The following SPATA16 variants were observed in gnomAD, a reference collection of about 807,000 sequenced individuals.
SPATA16 encodes spermatogenesis associated 16.
A neutral mutation model predicts 63.3 loss-of-function variants in SPATA16; 36 were observed. The observed-to-expected ratio is 0.57, with a 90% CI of 0.44 to 0.75. The LOEUF (loss-of-function observed/expected upper bound fraction) is 0.75. SPATA16 is among the 30% of genes least tolerant of loss of function. SPATA16 has a pLI of 0.00. For missense variants in SPATA16, 646 were observed against 679.3 expected (o/e 0.95, Z 0.54); for synonymous variants, 203 against 216.7 (o/e 0.94, Z 0.56).
chr3:173,035,587 A>G (rs1735698859), intron 3 of SPATA16, among the ~76,000 whole-genome samples: 1 of 152,078 alleles, frequency 6.6e-6, no homozygotes, highest in South Asian at 2.1e-4. Context: ...AGAAACTACT[A>G]ATGCTTCAGG....
chr3:172,914,486 A>G (rs764870970), intron 9 of SPATA16, among the ~76,000 whole-genome samples: 2 of 152,288 alleles, frequency 1.3e-5, no homozygotes, highest in African/African-American at 4.8e-5. Context: ...ACCTTAGATA[A>G]TCTTTCTTTG....
intron 4 of SPATA16, among the ~76,000 whole-genome samples, chr3:172,985,204 AC>A (rs761735847): frequency 3.6e-4 from 55 of 152,196 alleles, no homozygotes; most frequent in Admixed American, 2.2e-3. Context: ...TATTAATATG[AC>A]ATGGTCAATT....
At chr3:172,988,806 T>G (rs1277138817) in intron 4 of SPATA16, among the ~76,000 whole-genome samples, 1 of 152,034 alleles carries the variant, frequency 6.6e-6, no homozygotes, top group Non-Finnish European at 1.5e-5. Context: ...CCAGCTAATT[T>G]TCTGTATTTT....
chr3:173,073,998 G>A (rs907798620), intron 2 of SPATA16, among the ~76,000 whole-genome samples: 13 of 152,186 alleles, frequency 8.5e-5, no homozygotes, highest in Non-Finnish European at 5.9e-5. Flanking sequence ...AGATCATTCT[G>A]GAGCTTTAAG....
intron 10 of SPATA16, among the ~76,000 whole-genome samples, chr3:172,895,996 T>C (rs1732001311): frequency 6.6e-6 from 1 of 152,086 alleles, no homozygotes; most frequent in African/African-American, 2.4e-5. Context: ...TAATTTTTTT[T>C]TTTCAGTAGT....
At chr3:173,020,020 G>A (rs1018729405) in intron 3 of SPATA16, among the ~76,000 whole-genome samples, 3 of 151,548 alleles carry the variant, frequency 2.0e-5, no homozygotes, top group African/African-American at 4.8e-5. Flanking sequence ...TGGAGGCTGG[G>A]TGCGGTGGCT....
At chr3:172,965,050 A>G (rs1733882863) in intron 5 of SPATA16, among the ~76,000 whole-genome samples, 1 of 152,218 alleles carries the variant, frequency 6.6e-6, no homozygotes, top group South Asian at 2.1e-4. Flanking sequence ...TGAAAAACTC[A>G]TTTATTTATC....
At chr3:172,935,422 G>T (rs1732961419) in intron 6 of SPATA16, among the ~76,000 whole-genome samples, 1 of 152,080 alleles carries the variant, frequency 6.6e-6, no homozygotes, top group Admixed American at 6.5e-5. Flanking sequence ...TGTAAACAAT[G>T]GTTTGATCCA....
At chr3:172,940,256 A>T (rs1733114149) in intron 6 of SPATA16, among the ~76,000 whole-genome samples, 1 of 152,216 alleles carries the variant, frequency 6.6e-6, no homozygotes, top group Non-Finnish European at 1.5e-5. Context: ...TAGCTGGTTG[A>T]TCAGAAGTAT....
chr3:173,118,790 C>T (rs906445967), intron 1 of SPATA16, among the ~76,000 whole-genome samples: 2 of 152,148 alleles, frequency 1.3e-5, no homozygotes, highest in African/African-American at 4.8e-5. Context: ...AACTCCTAGC[C>T]TGAGATACTT....
chr3:173,036,814 C>G (rs1735723208), intron 3 of SPATA16, among the ~76,000 whole-genome samples: 1 of 151,924 alleles, frequency 6.6e-6, no homozygotes, highest in Non-Finnish European at 1.5e-5. Flanking sequence ...ATCACTCTTG[C>G]AAAATGTCAA....
intron 10 of SPATA16, among the ~76,000 whole-genome samples, chr3:172,913,046 T>A (rs1732406182): frequency 6.6e-6 from 1 of 152,196 alleles, no homozygotes; most frequent in African/African-American, 2.4e-5. Flanking sequence ...AGTTGATTGA[T>A]CAGAACTTAA....
intron 2 of SPATA16, among the ~76,000 whole-genome samples, chr3:173,100,806 G>T (rs943787980): frequency 1.3e-5 from 2 of 151,912 alleles, no homozygotes; most frequent in South Asian, 2.1e-4. Flanking sequence ...ACCATTATAT[G>T]TACTGGTATG....
chr3:173,016,034 G>A (rs1173053265), intron 4 of SPATA16, among the ~76,000 whole-genome samples: 2 of 152,164 alleles, frequency 1.3e-5, no homozygotes, highest in African/African-American at 4.8e-5. Context: ...TTCACAAGGT[G>A]GCTTGTTCTT....
Position 172,951,499 on chromosome 3 carries a change from A to T in SPATA16, c.1081+5178T>A, listed in dbSNP as rs115526097. ...GCGATTGGCTTATTTGATAATTTAA[A>T]AAAAAAAAAATTTAAACCTAAATAC... On this transcript the variant is annotated intron_variant, in intron 6 of 10. Transcript: ENST00000351008. 1.2e-3 allele frequency among the ~76,000 whole-genome samples: 169 copies of T among 142,248 alleles called. 1 individual carries two copies. Among genetic ancestry groups the T allele is most frequent in the African/African-American group, 4.7e-3 (152 of 32,470 alleles). The allele number at this position is 142,248 out of a possible 152,430, so 93.3% of individuals were successfully genotyped here.
rs34180269 is a variant in SPATA16, at chr3:173,070,394, C to CAAA, written c.613-21303_613-21301dup. 5.1e-4 allele frequency among the ~76,000 whole-genome samples: 47 copies of CAAA among 92,986 alleles called. 1 individual carries two copies. In the South Asian group the frequency reaches 9.9e-3, roughly 20 times the overall value. 61.0% of individuals were successfully genotyped at this position (92,986 alleles called of 152,430 possible). ...TGGGCAACAGAACAAGACTCTGTCT[C>CAAA]AAAAAAAAAAAAAAAAAAAGATGCC... On this transcript the variant is annotated intron_variant, in intron 2 of 10. Transcript: ENST00000351008.
At chr3:172,943,169 G>A (rs1428166162) in intron 6 of SPATA16, among the ~76,000 whole-genome samples, 1 of 152,064 alleles carries the variant, frequency 6.6e-6, no homozygotes, top group Non-Finnish European at 1.5e-5. Flanking sequence ...ATAAATATAA[G>A]AGCAGAAAGG....
At chr3:172,914,874 A>G (rs1732444740) in intron 9 of SPATA16, among the ~76,000 whole-genome samples, 2 of 151,442 alleles carry the variant, frequency 1.3e-5, no homozygotes, top group African/African-American at 4.8e-5. Flanking sequence ...AAAAATAAGT[A>G]TTTCCAGTAA....
chr3:172,967,724 C>T (rs1334725174), intron 5 of SPATA16, among the ~76,000 whole-genome samples: 1 of 152,196 alleles, frequency 6.6e-6, no homozygotes, highest in Non-Finnish European at 1.5e-5. Flanking sequence ...CTCATAGGAG[C>T]ACGAACCCTA....
Sources: gnomAD v4.1 joint callset for allele counts (sites outside exome capture counted in the v4.1 genomes callset) on GRCh38, gnomAD v4.1.1 for gene constraint, MANE v1.5 for transcripts, NCBI Gene and HGNC (gene_info 2026-07-23, HGNC 2026-07-21) for gene names.